Variants in NFATC1 observed in about 807,000 individuals in gnomAD.
The protein encoded by NFATC1 is nuclear factor of activated T-cells, cytoplasmic 1.
A neutral mutation model predicts 76.0 loss-of-function variants in NFATC1; 22 were observed. That is an observed-to-expected ratio of 0.29 (90% CI 0.21 to 0.41). The LOEUF is 0.41. Among genes scored for constraint, NFATC1 ranks in the 10% least tolerant of loss-of-function variants. The pLI, the probability that NFATC1 is intolerant of heterozygous loss-of-function variation, is 1.00. For synonymous variants in NFATC1, 704 were observed against 613.1 expected (o/e 1.15, Z -2.19); for missense variants, 1,357 against 1,337.7 (o/e 1.01, Z -0.23).
At chr18:79,516,901 G>A (rs2090398806) in intron 9 of NFATC1, among the ~76,000 whole-genome samples, 1 of 152,152 alleles carries the variant, frequency 6.6e-6, no homozygotes, top group Non-Finnish European at 1.5e-5. Context: ...TTAAATGAGA[G>A]CCATACAAGT....
chr18:79,527,467 G>A (rs553886772), intron 9 of NFATC1, 61 bp from the exon 10 acceptor site: 10 of 1,366,758 alleles, frequency 7.3e-6, no homozygotes, highest in Non-Finnish European at 9.4e-6. Flanking sequence ...CAGGGCTGGG[G>A]GCGTTGCTTT....
At chr18:79,440,945 G>A (rs2144714008) in intron 3 of NFATC1, among the ~76,000 whole-genome samples, 1 of 152,348 alleles carries the variant, frequency 6.6e-6, no homozygotes, top group African/African-American at 2.4e-5. Context: ...ACCCATGGGC[G>A]TGTGCCCGTC....
At chr18:79,492,002 C>T (rs544563663) in intron 9 of NFATC1, among the ~76,000 whole-genome samples, 17 of 152,312 alleles carry the variant, frequency 1.1e-4, no homozygotes, top group Non-Finnish European at 2.1e-4. Flanking sequence ...GTGATGCTGA[C>T]GACGGCCTGC....
intron 8 of NFATC1, among the ~76,000 whole-genome samples, chr18:79,475,707 C>T (rs913929949): frequency 1.3e-5 from 2 of 152,224 alleles, no homozygotes; most frequent in Non-Finnish European, 2.9e-5. Context: ...CTGGCCCCAC[C>T]AGGCCTCCCA....
At chr18:79,492,633 T>C (rs1385481970) in intron 9 of NFATC1, among the ~76,000 whole-genome samples, 4 of 150,708 alleles carry the variant, frequency 2.7e-5, no homozygotes, top group Non-Finnish European at 4.4e-5. Flanking sequence ...GGCGTGAACC[T>C]GGGAGGCGGA....
intron 4 of NFATC1, among the ~76,000 whole-genome samples, chr18:79,449,230 T>C (rs2087352618): frequency 6.6e-6 from 1 of 152,264 alleles, no homozygotes; most frequent in Non-Finnish European, 1.5e-5. Context: ...AATACCTCCC[T>C]CTGCATTTAG....
chr18:79,477,369 C>T (rs1056566729), intron 8 of NFATC1, among the ~76,000 whole-genome samples: 3 of 152,344 alleles, frequency 2.0e-5, no homozygotes, highest in South Asian at 2.1e-4. Context: ...AAAATGTGGG[C>T]ATGGGGGAGC....
intron 3 of NFATC1, among the ~76,000 whole-genome samples, chr18:79,446,163 G>A (rs1466707128): frequency 1.3e-5 from 2 of 152,206 alleles, no homozygotes; most frequent in Non-Finnish European, 2.9e-5. Context: ...GTATTTAAAT[G>A]ACTTTTCTTA....
At chr18:79,520,820 TGG>T (rs1248737642) in intron 9 of NFATC1, among the ~76,000 whole-genome samples, 5 of 18,648 alleles carry the variant, frequency 2.7e-4, no homozygotes, top group African/African-American at 5.0e-4. Context: ...TGTCTGTGTG[TGG>T]GGGGGGGCAT....
intron 9 of NFATC1, among the ~76,000 whole-genome samples, chr18:79,520,568 C>CAT (rs2090499151): frequency 8.3e-6 from 1 of 120,670 alleles, no homozygotes; most frequent in African/African-American, 3.3e-5. Flanking sequence ...AATGTGTGTC[C>CAT]GTGTGTGTGG....
chr18:79,447,855 G>A (rs779809179), intron 3 of NFATC1, among the ~76,000 whole-genome samples: 4 of 152,262 alleles, frequency 2.6e-5, no homozygotes, highest in Non-Finnish European at 5.9e-5. Flanking sequence ...GGAACCACGC[G>A]TGGTGCAGAG....
intron 8 of NFATC1, among the ~76,000 whole-genome samples, chr18:79,472,476 C>T (rs1316816576): frequency 6.6e-6 from 1 of 152,248 alleles, no homozygotes; most frequent in East Asian, 1.9e-4. Context: ...CCTGGACTTT[C>T]CAACTCACTT....
chr18:79,400,336 C>T (rs2085152742), intron 1 of NFATC1: 19 of 1,364,182 alleles, frequency 1.4e-5, no homozygotes, highest in Middle Eastern at 2.4e-4. Flanking sequence ...GCCGGGAGAA[C>T]CGAACCCCTG....
At chr18:79,467,798 C>A in intron 8 of NFATC1, 1 of 937,496 alleles carries the variant, frequency 1.1e-6, no homozygotes, top group Non-Finnish European at 1.2e-6. Flanking sequence ...GGGTGGGGGG[C>A]GGGGGTTGCA....
At chr18:79,473,836 G>C (rs1227710388) in intron 8 of NFATC1, among the ~76,000 whole-genome samples, 1 of 148,380 alleles carries the variant, frequency 6.7e-6, no homozygotes, top group African/African-American at 2.5e-5. Flanking sequence ...TGAGGGAAGT[G>C]TGTTCTCACA....
chr18:79,502,321 C>T (rs558919829), intron 9 of NFATC1, among the ~76,000 whole-genome samples: 81 of 152,194 alleles, frequency 5.3e-4, no homozygotes, highest in Admixed American at 1.0e-3. Context: ...ACACCACGCA[C>T]CGAAAATGAA....
At chr18:79,495,054 A>C (rs2089838777) in intron 9 of NFATC1, among the ~76,000 whole-genome samples, 1 of 152,258 alleles carries the variant, frequency 6.6e-6, no homozygotes, top group South Asian at 2.1e-4. Flanking sequence ...TGCAGTGGCA[A>C]GTCTGCCCCT....
chr18:79,511,214 TA>T (rs919690002), intron 9 of NFATC1, among the ~76,000 whole-genome samples: 2 of 152,338 alleles, frequency 1.3e-5, no homozygotes, highest in Non-Finnish European at 2.9e-5. Flanking sequence ...ACAAGATTAA[TA>T]ATTGGATAAT....
rs530434553 is a variant in NFATC1 at position 79,455,208 on chromosome 18, T to C, written c.1903+3392T>C. Among the ~76,000 whole-genome samples the C allele has an allele frequency of 5.0e-3, 767 of 152,298 alleles. 3 individuals carry two copies. Among genetic ancestry groups the C allele is most frequent in the Non-Finnish European group, 8.7e-3 (592 of 68,016 alleles). ...GTTTTTTAAAAACATCAGCGAAGCCTGTTTTGGTGTCGCTGCGCGGAAGCC... is the reference window on the plus strand; with the variant it reads ...GTTTTTTAAAAACATCAGCGAAGCCCGTTTTGGTGTCGCTGCGCGGAAGCC... On this transcript the variant is annotated intron_variant, in intron 6 of 9. Coordinates refer to ENST00000427363, the MANE Select transcript of NFATC1 (RefSeq NM_001278669.2).
Sources: allele counts gnomAD v4.1 joint callset (sites outside exome capture counted in the v4.1 genomes callset), GRCh38; gene constraint gnomAD v4.1.1; transcripts MANE v1.5; gene names NCBI Gene and HGNC (gene_info 2026-07-23, HGNC 2026-07-21).